The following PALB2 variants were observed in gnomAD, a reference collection of about 807,000 sequenced individuals.
PALB2 encodes the protein mutant partner and localizer of BRCA2.
PALB2 carries 82 observed loss-of-function variants against 107.4 expected under a neutral mutation model. The observed-to-expected ratio is 0.76, with a 90% CI of 0.64 to 0.92. PALB2 has a LOEUF of 0.92. Among genes scored for constraint, PALB2 ranks in the 40% least tolerant of loss-of-function variants. PALB2 has a pLI of 0.00. For synonymous variants in PALB2, 489 were observed against 496.8 expected, an observed-to-expected ratio of 0.98 and a Z score of 0.21; for missense variants, 1,374 against 1,379.9, an observed-to-expected ratio of 1.00 and a Z score of 0.07.
chr16:23,635,950 AG>A lies in PALB2; in HGVS notation c.595del (p.Leu199PhefsTer2), dbSNP rs2142439618. 6.2e-7 allele frequency: 1 copy of A among 1,614,198 alleles called. No individual in the cohort carries two copies. The highest frequency in any genetic ancestry group is 8.5e-7 in the Non-Finnish European group (1 of 1,180,044). On this transcript the variant is annotated frameshift_variant, in exon 4 of 13. Transcript: ENST00000261584. LOFTEE classifies it high-confidence loss of function. ...TGGAAGTTCAGATTTAAGACTTAAA[AG>A]GTGAGTTCTTATTTCAGTTACTGGT... ...RSPVTEIRTH[L>X]LSLKSELPDS...
At chr16:23,637,237 G>C (rs1323122686) in intron 3 of PALB2, among the ~76,000 whole-genome samples, 7 of 152,020 alleles carry the variant, frequency 4.6e-5, no homozygotes, top group Non-Finnish European at 1.0e-4. Flanking sequence ...GACAGAGTGA[G>C]ACTCTGTCTC....
At position 23,603,688 on chromosome 16, in the gene PALB2, G is replaced by T. The variant is rs1260530091; in HGVS notation, c.3351-19C>A. The T allele has an allele frequency of 1.9e-6, 3 of 1,570,410 alleles. No individual in the cohort carries two copies. In the South Asian group the frequency reaches 3.4e-5, roughly 18 times the overall value. On this transcript the variant is annotated intron_variant, in intron 12 of 12. Coordinates refer to ENST00000261584, the MANE Select transcript of PALB2 (RefSeq NM_024675.4). ...CAGGAACCTGATAGCATACAAAGAAGATATAATTCAGATTACATATCCAAA... is the reference window on the plus strand; with the variant it reads ...CAGGAACCTGATAGCATACAAAGAATATATAATTCAGATTACATATCCAAA...
Position 23,608,543 on chromosome 16 carries a change from T to TA in PALB2, c.3202-532dup, listed in dbSNP as rs199876682. Among the ~76,000 whole-genome samples the TA allele has an allele frequency of 1.0e-3, 159 of 152,206 alleles. 2 individuals carry two copies. The East Asian group carries it at 0.028, about 26-fold the overall frequency. ...GTGCAGGGAGTGCTCAAATTAGAAA[T>TA]ATTCATTTGTAAATTGGTTTTTGAA... is the stretch of plus-strand genomic sequence containing the variant. On this transcript the variant is annotated intron_variant, in intron 11 of 12. Coordinates refer to ENST00000261584, the MANE Select transcript of PALB2 (RefSeq NM_024675.4).
rs769118926 is a variant in PALB2 at position 23,629,174 on chromosome 16, C to T, written c.2586+30G>A. 55 of 1,556,668 alleles carry T rather than the reference C, an allele frequency of 3.5e-5. No individual in the cohort carries two copies. The South Asian group carries it at 3.8e-4, about 11-fold the overall frequency. On this transcript the variant is annotated intron_variant, in intron 6 of 12. Coordinates refer to ENST00000261584, the MANE Select transcript of PALB2 (RefSeq NM_024675.4). ...CATTAAAGTTTTCATATGTAAGACA[C>T]GAGACACTGGAAGAGAATATTCTTC...
chr16:23,603,821 T>C lies in PALB2; in HGVS notation c.3351-152A>G, dbSNP rs531368905. 5 of 702,736 alleles carry C rather than the reference T, an allele frequency of 7.1e-6. No homozygotes were observed. The African/African-American group carries it at 7.2e-5, about 10-fold the overall frequency. 43.5% of individuals were successfully genotyped at this position (702,736 alleles called of 1,614,324 possible). On this transcript the variant is annotated intron_variant, in intron 12 of 12. Coordinates refer to ENST00000261584, the MANE Select transcript of PALB2 (RefSeq NM_024675.4). ...CTACATTTGTAGCCTTAGAGGTCTG[T>C]TGGCTATTGTGTTGCAGTTTTGGAC...
At chr16:23,610,528 C>CA (rs1966566163) in intron 11 of PALB2, among the ~76,000 whole-genome samples, 1 of 151,318 alleles carries the variant, frequency 6.6e-6, no homozygotes, top group Admixed American at 6.6e-5. Context: ...AGGATGGTCT[C>CA]AATCTCCTGA....
At chr16:23,615,614 C>A (rs1355787069) in intron 10 of PALB2, among the ~76,000 whole-genome samples, 1 of 151,922 alleles carries the variant, frequency 6.6e-6, no homozygotes, top group Non-Finnish European at 1.5e-5. Context: ...TCATGTTACT[C>A]TGTTGATGAA....
chr16:23,608,028 A>T lies in PALB2; in HGVS notation c.3202-16T>A, dbSNP rs765371311. 2 of 1,611,744 alleles carry T rather than the reference A, an allele frequency of 1.2e-6. No homozygotes were observed. Among genetic ancestry groups the T allele is most frequent in the South Asian group, 2.2e-5 (2 of 91,038 alleles). On this transcript the variant is annotated splice_polypyrimidine_tract_variant and intron_variant, in intron 11 of 12. Coordinates refer to ENST00000261584, the MANE Select transcript of PALB2 (RefSeq NM_024675.4). ...AGAGAAGCCCCTAATTTCGGAGAAA[A>T]ATAAATATCCCAAATAGACTGTCAA... is the stretch of plus-strand genomic sequence containing the variant.
chr16:23,618,879 T>C (rs1445307600), intron 10 of PALB2, among the ~76,000 whole-genome samples: 2 of 152,258 alleles, frequency 1.3e-5, no homozygotes, highest in East Asian at 3.9e-4. Flanking sequence ...GTGCTCCAAG[T>C]GGCCAAGCGC....
Position 23,635,782 on chromosome 16 carries a change from T to C in PALB2, c.764A>G (p.Asp255Gly), listed in dbSNP as rs776753788. ...ATTVPLQTLS[D>G]SGSSQHLEHI... is the part of the protein sequence containing the mutation. ...TTCAAGGTGCTGACTACTACCGCTA[T>C]CTGATAGAGTCTGTAAAGGAACTGT... Residue 255 changes from aspartate (D) to glycine (G), a missense_variant, in exon 4 of 13, where the codon GAT becomes GGT. Transcript: ENST00000261584. The C allele has an allele frequency of 3.7e-6, 6 of 1,614,070 alleles. No individual in the cohort carries two copies. Among genetic ancestry groups the C allele is most frequent in the Non-Finnish European group, 5.1e-6 (6 of 1,180,018 alleles).
chr16:23,628,329 C>G (rs1294787207), intron 6 of PALB2, among the ~76,000 whole-genome samples: 3 of 152,218 alleles, frequency 2.0e-5, no homozygotes, highest in Non-Finnish European at 4.4e-5. Context: ...ATCTGGGGCT[C>G]AGAGGTTACA....
intron 6 of PALB2, 146 bp from the exon 7 acceptor site, chr16:23,626,543 G>A (rs141698257): frequency 1.2e-5 from 10 of 860,834 alleles, no homozygotes; most frequent in Non-Finnish European, 1.6e-5. Context: ...AAAGAGCTTT[G>A]TGGTTCTTAT....
At position 23,635,364 on chromosome 16, in the gene PALB2, A is replaced by G. The variant is rs772960995; in HGVS notation, c.1182T>C (p.His394=). 2 of 1,614,046 alleles carry G rather than the reference A, an allele frequency of 1.2e-6. No individual in the cohort carries two copies. Among genetic ancestry groups the G allele is most frequent in the Non-Finnish European group, 1.7e-6 (2 of 1,180,034 alleles). ...EATSPLSAEK[H]SCTVPEGLLF... ...GAAGGCCTTCAGGCACTGTGCAAGA[A>G]TGTTTTTCTGCAGAAAGAGGAGAGG... Residue 394 remains histidine (H), a synonymous_variant, in exon 4 of 13, where the codon CAT becomes CAC. Transcript: ENST00000261584.
At position 23,640,497 on chromosome 16, in the gene PALB2, CTG is replaced by C. The variant is rs557567459; in HGVS notation, c.48+611_48+612del. ...CCAGCATGGGTGGCAGAGTGAGACT[CTG>C]TCTCAAAAAAGAAGAAAAACAGAAA... On this transcript the variant is annotated intron_variant, in intron 1 of 12. Coordinates refer to ENST00000261584, the MANE Select transcript of PALB2 (RefSeq NM_024675.4). 42 of 217,098 alleles carry C rather than the reference CTG, an allele frequency of 1.9e-4. No homozygotes were observed. In the South Asian group the frequency reaches 7.8e-3, roughly 40 times the overall value. 13.4% of individuals were successfully genotyped at this position (217,098 alleles called of 1,614,324 possible).
rs2142344937 is a variant in PALB2, at chr16:23,624,113, C to T, written c.2749-19G>A. 6.5e-7 allele frequency: 1 copy of T among 1,537,160 alleles called. No individual in the cohort carries two copies. Among genetic ancestry groups the T allele is most frequent in the Non-Finnish European group, 9.0e-7 (1 of 1,110,984 alleles). ...CTGGAACCTAAATAAAACAAAGCAG[C>T]CAAAAATTATGCTTGGTTGTTTCAT... On this transcript the variant is annotated intron_variant, in intron 7 of 12. Coordinates refer to ENST00000261584, the MANE Select transcript of PALB2 (RefSeq NM_024675.4).
Position 23,635,441 on chromosome 16 carries a change from G to T in PALB2, c.1105C>A (p.Leu369Ile). ...TGACTTAGAATCTCACTTTCCTGAA[G>T]ATTTTCATTCCTGCCATCAAGAGTG... Reference protein sequence around the residue: ...SDTLDGRNENLQESEILSQPK... With the variant: ...SDTLDGRNENIQESEILSQPK... Residue 369 changes from leucine (L) to isoleucine (I), a missense_variant, in exon 4 of 13, where the codon CTT becomes ATT. Leu to Ile is a conservative substitution (Grantham distance 5). Coordinates refer to ENST00000261584, the MANE Select transcript of PALB2 (RefSeq NM_024675.4). 1 of 1,614,048 alleles carries T rather than the reference G, an allele frequency of 6.2e-7. No individual in the cohort carries two copies. The highest frequency in any genetic ancestry group is 8.5e-7 in the Non-Finnish European group (1 of 1,179,944).
chr16:23,632,832 G>A (rs531588997), intron 4 of PALB2, among the ~76,000 whole-genome samples: 2 of 152,154 alleles, frequency 1.3e-5, no homozygotes, highest in African/African-American at 2.4e-5. Flanking sequence ...GGTGGCTCAC[G>A]CCTGTAATCC....
At chr16:23,619,611 T>G (rs1208646846) in intron 10 of PALB2, among the ~76,000 whole-genome samples, 1 of 152,168 alleles carries the variant, frequency 6.6e-6, no homozygotes, top group Non-Finnish European at 1.5e-5. Context: ...TACAGTGATA[T>G]TAATATGTTG....
intron 1 of PALB2, 34 bp from the exon 2 acceptor site, chr16:23,638,163 A>T: frequency 3.2e-6 from 5 of 1,581,922 alleles, no homozygotes; most frequent in Non-Finnish European, 4.3e-6. Context: ...ATACTGGGCA[A>T]GTGGAAAGGT....
Sources: gnomAD v4.1 joint callset for allele counts (sites outside exome capture counted in the v4.1 genomes callset) on GRCh38, gnomAD v4.1.1 for gene constraint, MANE v1.5 for transcripts, NCBI Gene and HGNC (gene_info 2026-07-23, HGNC 2026-07-21) for gene names.